The following PLPP1 variants were observed in gnomAD, a reference collection of about 807,000 sequenced individuals.
PLPP1 encodes the protein phospholipid phosphatase 1, also known as lipid phosphate phosphohydrolase 1a.
In PLPP1, 24 loss-of-function variants were observed where a neutral mutation model predicts 31.2. The observed-to-expected ratio is 0.77, with a 90% CI of 0.56 to 1.08. The LOEUF (loss-of-function observed/expected upper bound fraction) is 1.08, where lower values mean the gene tolerates loss of function less well. PLPP1 is among the 50% of genes least tolerant of loss of function. The pLI is 0.00. For missense variants in PLPP1, 319 were observed against 342.7 expected (o/e 0.93, Z 0.55); for synonymous variants, 146 against 126.3 (o/e 1.16, Z -1.05).
intron 3 of PLPP1, among the ~76,000 whole-genome samples, chr5:55,463,948 A>T (rs576024579): frequency 6.6e-5 from 10 of 152,050 alleles, no homozygotes; most frequent in Non-Finnish European, 1.3e-4. Flanking sequence ...ACAAGCAACT[A>T]ATTTTTTTTT....
At chr5:55,497,707 A>C (rs1373919683) in intron 1 of PLPP1, among the ~76,000 whole-genome samples, 1 of 152,084 alleles carries the variant, frequency 6.6e-6, no homozygotes, top group African/African-American at 2.4e-5. Flanking sequence ...ATTTAAGGAG[A>C]GTTTAAGAAA....
chr5:55,443,192 A>AATATATATATAT (rs1159178740), intron 3 of PLPP1, among the ~76,000 whole-genome samples: 1,705 of 25,074 alleles, frequency 0.068, 132 homozygotes, highest in Middle Eastern at 0.2. Context: ...AAAAAAAAAA[A>AATATATATATAT]ATATATATAT....
rs1162087977 is a variant in PLPP1 at position 55,430,253 on chromosome 5, G to A, written c.550-4214C>T. 2.0e-5 allele frequency among the ~76,000 whole-genome samples: 3 copies of A among 152,160 alleles called. No individual in the cohort carries two copies. The East Asian group carries it at 5.8e-4, about 29-fold the overall frequency. ...GGACCTTCCCACCGTGCTACTGCTG[G>A]CATCCAAGCAAGCTTCCTGGAGACC... is the stretch of plus-strand genomic sequence containing the variant. On this transcript the variant is annotated intron_variant, in intron 4 of 5. Transcript: ENST00000307259.
intron 3 of PLPP1, among the ~76,000 whole-genome samples, chr5:55,458,418 T>C (rs1752068524): frequency 6.6e-6 from 1 of 151,654 alleles, no homozygotes; most frequent in Admixed American, 6.6e-5. Context: ...AGTCATGTAT[T>C]AACCTTAAAA....
intron 1 of PLPP1, among the ~76,000 whole-genome samples, chr5:55,524,422 AC>A (rs1225130356): frequency 2.6e-5 from 4 of 152,196 alleles, no homozygotes. Context: ...GTATTACACA[AC>A]GGTTTTTCCT....
intron 3 of PLPP1, among the ~76,000 whole-genome samples, chr5:55,462,402 C>T (rs543995726): frequency 4.5e-4 from 68 of 151,938 alleles, no homozygotes; most frequent in African/African-American, 1.4e-3. Flanking sequence ...TGTTTTTTTT[C>T]GGTCAATAAA....
chr5:55,496,936 A>G (rs1753014512), intron 1 of PLPP1, among the ~76,000 whole-genome samples: 1 of 152,226 alleles, frequency 6.6e-6, no homozygotes, highest in South Asian at 2.1e-4. Context: ...GAGAAAGACT[A>G]AAGTAAATCA....
chr5:55,477,791 T>C (rs948692226), intron 1 of PLPP1, among the ~76,000 whole-genome samples: 16 of 152,154 alleles, frequency 1.1e-4, no homozygotes, highest in African/African-American at 3.9e-4. Flanking sequence ...CCAATAAACA[T>C]TTCTTTCTTT....
At chr5:55,469,565 A>G (rs1012764227) in intron 2 of PLPP1, among the ~76,000 whole-genome samples, 6 of 152,012 alleles carry the variant, frequency 3.9e-5, no homozygotes, top group African/African-American at 1.2e-4. Flanking sequence ...TGGGTTTGCT[A>G]ATCTGTGTGG....
intron 1 of PLPP1, among the ~76,000 whole-genome samples, chr5:55,495,883 C>T (rs1752994303): frequency 6.6e-6 from 1 of 152,050 alleles, no homozygotes; most frequent in African/African-American, 2.4e-5. Context: ...GAGACAGAGT[C>T]TTGCTCTGTC....
At chr5:55,458,906 A>AAAAC (rs1180593188) in intron 3 of PLPP1, among the ~76,000 whole-genome samples, 38 of 144,148 alleles carry the variant, frequency 2.6e-4, no homozygotes, top group African/African-American at 8.7e-4. Flanking sequence ...AAAAAAAAAA[A>AAAAC]AAAAAAAAAA....
chr5:55,477,476 C>G (rs532157158), intron 1 of PLPP1, among the ~76,000 whole-genome samples: 1 of 150,578 alleles, frequency 6.6e-6, no homozygotes, highest in African/African-American at 2.4e-5. Context: ...TCACTGCACA[C>G]TCCACTTCCA....
intron 1 of PLPP1, among the ~76,000 whole-genome samples, chr5:55,494,558 C>T (rs1245347415): frequency 6.6e-6 from 1 of 152,194 alleles, no homozygotes; most frequent in Non-Finnish European, 1.5e-5. Context: ...TCCAATCACA[C>T]TGAACCACTT....
intron 1 of PLPP1, among the ~76,000 whole-genome samples, chr5:55,518,720 T>G (rs1579981948): frequency 6.6e-6 from 1 of 152,252 alleles, no homozygotes; most frequent in East Asian, 1.9e-4. Flanking sequence ...AAATAGCCCC[T>G]TATATACCAT....
At chr5:55,443,192 A>AAAAAAAAAAAAAATATAT in intron 3 of PLPP1, among the ~76,000 whole-genome samples, 61 of 25,356 alleles carry the variant, frequency 2.4e-3, no homozygotes, top group Non-Finnish European at 3.8e-3. Context: ...AAAAAAAAAA[A>AAAAAAAAAAAAAATATAT]ATATATATAT....
chr5:55,447,516 C>A (rs1368111669), intron 3 of PLPP1, among the ~76,000 whole-genome samples: 1 of 152,190 alleles, frequency 6.6e-6, no homozygotes, highest in East Asian at 1.9e-4. Context: ...TTTCTACTTT[C>A]ACAAAAACTC....
At chr5:55,534,528 G>C (rs1040786439) in intron 1 of PLPP1, 44 bp downstream of exon 1, 1 of 1,513,358 alleles carries the variant, frequency 6.6e-7, no homozygotes, top group Non-Finnish European at 8.8e-7. Flanking sequence ...AAGCCCTCCC[G>C]GGACAGCCGC....
intron 1 of PLPP1, among the ~76,000 whole-genome samples, chr5:55,524,792 A>T (rs962675263): frequency 6.6e-6 from 1 of 152,158 alleles, no homozygotes; most frequent in Non-Finnish European, 1.5e-5. Context: ...CCTGGGCGAC[A>T]AGAGTGAAAC....
chr5:55,450,184 G>A (rs1320441518), intron 3 of PLPP1, among the ~76,000 whole-genome samples: 6 of 152,162 alleles, frequency 3.9e-5, no homozygotes, highest in Admixed American at 3.3e-4. Flanking sequence ...TAAGACAGAA[G>A]TGACTATTCT....
Sources: gnomAD v4.1 joint callset for allele counts (sites outside exome capture counted in the v4.1 genomes callset) on GRCh38, gnomAD v4.1.1 for gene constraint, MANE v1.5 for transcripts, NCBI Gene and HGNC (gene_info 2026-07-23, HGNC 2026-07-21) for gene names.